The following TFPI variants were observed in gnomAD, a reference collection of about 807,000 sequenced individuals.
The protein encoded by TFPI is tissue factor pathway inhibitor.
A neutral mutation model predicts 34.6 loss-of-function variants in TFPI; 15 were observed. That is an observed-to-expected ratio of 0.43 (90% CI 0.29 to 0.67). The LOEUF (loss-of-function observed/expected upper bound fraction) is 0.67. TFPI is among the 30% of genes least tolerant of loss of function. The pLI is 0.15. For missense variants in TFPI, 301 were observed against 364.0 expected, an observed-to-expected ratio of 0.83 and a Z score of 1.41; for synonymous variants, 105 against 120.1, an observed-to-expected ratio of 0.87 and a Z score of 0.82.
At chr2:187,552,339 T>G (rs986162937) in intron 1 of TFPI, among the ~76,000 whole-genome samples, 1 of 152,198 alleles carries the variant, frequency 6.6e-6, no homozygotes, top group African/African-American at 2.4e-5. Context: ...TTTGCCATCC[T>G]GCCCACTTAC....
intron 2 of TFPI, among the ~76,000 whole-genome samples, chr2:187,502,551 G>C: frequency 6.6e-6 from 1 of 152,118 alleles, no homozygotes; most frequent in Middle Eastern, 3.2e-3. Flanking sequence ...AGGTACATTA[G>C]GGTTTTTACT....
In TFPI at chr2:187,484,178, T is replaced by G. The variant is rs1395069015; in HGVS notation, c.574A>C (p.Asn192His). 2.5e-6 allele frequency: 4 copies of G among 1,612,366 alleles called. No homozygotes were observed. The East Asian group carries it at 8.9e-5, about 36-fold the overall frequency. Residue 192 changes from asparagine to histidine, a missense_variant, in exon 6 of 8, where the codon AAT (asparagine) becomes CAT (histidine). By Grantham distance (68) the Asn-to-His change is moderately conservative. Coordinates refer to ENST00000233156, the MANE Select transcript of TFPI (RefSeq NM_006287.6). The stretch of plus-strand genomic sequence containing the variant: ...GGAGTCAGGGAGTTATTCACAGCAT[T>G]GAGCTGGGTTCCATAATTATCCACC... ...FQVDNYGTQL[N>H]AVNNSLTPQS...
At position 187,552,100 on chromosome 2, in the gene TFPI, C is replaced by G. The variant is rs900411727; in HGVS notation, c.-3+2100G>C. ...ATCCTAGTCTAAGTAATTTTCTTCA[C>G]TTTTCATATTGTCTGTTCCTTTTTA... On this transcript the variant is annotated intron_variant, in intron 1 of 7. Transcript: ENST00000233156. 5.9e-5 allele frequency among the ~76,000 whole-genome samples: 9 copies of G among 151,996 alleles called. No individual in the cohort carries two copies. The South Asian group carries it at 1.0e-3, about 18-fold the overall frequency.
intron 1 of TFPI, among the ~76,000 whole-genome samples, chr2:187,532,273 C>A (rs1469127559): frequency 6.6e-6 from 1 of 151,798 alleles, no homozygotes; most frequent in East Asian, 1.9e-4. Flanking sequence ...ATATTGATAA[C>A]TTTTGAGTTG....
chr2:187,499,580 T>A (rs1036623324), intron 2 of TFPI: 2 of 152,110 alleles, frequency 1.3e-5, no homozygotes, highest in African/African-American at 4.8e-5. Flanking sequence ...CCCTAAGTGG[T>A]GTGTCTGACT....
rs1223824887 is a variant in TFPI at position 187,465,130 on chromosome 2, G to C, written c.*1806C>G. On this transcript the variant is annotated 3_prime_UTR_variant, in exon 8 of 8. Transcript: ENST00000233156. The stretch of plus-strand genomic sequence containing the variant: ...GAAGGTTGTAGTTAAGTACCAACTA[G>C]TGTGAGTTCTGGGAGCATTTTGAAA... 6.6e-6 allele frequency: 1 copy of C among 152,190 alleles called. No individual in the cohort carries two copies. Among genetic ancestry groups the C allele is most frequent in the African/African-American group, 2.4e-5 (1 of 41,440 alleles). The allele number at this position is 152,190 out of a possible 1,614,324, so 9.4% of individuals were successfully genotyped here.
In TFPI at chr2:187,528,802, G is replaced by A. The variant is rs375467246; in HGVS notation, c.-2-25032C>T. ...CAGCAGTGTAACTATATTTGACCCT[G>A]AAGCAAATGCCTTTAATCACTGCTC... is the stretch of plus-strand genomic sequence containing the variant. On this transcript the variant is annotated intron_variant, in intron 1 of 7. Transcript: ENST00000233156. Among the ~76,000 whole-genome samples, 5 of 151,714 alleles carry A rather than the reference G, an allele frequency of 3.3e-5. No individual in the cohort carries two copies. In the East Asian group the frequency reaches 7.7e-4, roughly 24 times the overall value.
At chr2:187,522,677 A>C (rs1687450036) in intron 1 of TFPI, among the ~76,000 whole-genome samples, 1 of 148,644 alleles carries the variant, frequency 6.7e-6, no homozygotes, top group South Asian at 2.1e-4. Flanking sequence ...AGGTCAGGAG[A>C]TCAAGACCAT....
At chr2:187,511,663 G>C (rs6734507) in intron 1 of TFPI, among the ~76,000 whole-genome samples, 151,837 of 152,248 alleles carry the variant, frequency 1, 75,716 homozygotes, top group Middle Eastern at 1. Context: ...TGACGGGTCC[G>C]TTGTTTCAAA....
At chr2:187,489,576 A>G (rs1057074406) in intron 3 of TFPI, among the ~76,000 whole-genome samples, 3 of 151,610 alleles carry the variant, frequency 2.0e-5, no homozygotes, top group Non-Finnish European at 4.4e-5. Flanking sequence ...AAATGTATAC[A>G]TATAATGAGT....
intron 1 of TFPI, among the ~76,000 whole-genome samples, chr2:187,523,014 C>T (rs1687490103): frequency 6.6e-6 from 1 of 151,806 alleles, no homozygotes; most frequent in Admixed American, 6.6e-5. Flanking sequence ...TATTTATTTG[C>T]ATATGTACAA....
chr2:187,503,592 G>C, intron 2 of TFPI, 56 bp downstream of exon 2: 2 of 1,561,302 alleles, frequency 1.3e-6, no homozygotes, highest in Non-Finnish European at 1.7e-6. Context: ...AGATTTTTTA[G>C]ATTAAAATTG....
At chr2:187,521,317 C>T (rs1257492597) in intron 1 of TFPI, among the ~76,000 whole-genome samples, 1 of 152,008 alleles carries the variant, frequency 6.6e-6, no homozygotes, top group Non-Finnish European at 1.5e-5. Flanking sequence ...TATGTATATA[C>T]CACATTTCTT....
chr2:187,524,074 A>T (rs1249839455), intron 1 of TFPI, among the ~76,000 whole-genome samples: 1 of 152,114 alleles, frequency 6.6e-6, no homozygotes, highest in Non-Finnish European at 1.5e-5. Flanking sequence ...ATGCTGTAGC[A>T]TATATGATTG....
At chr2:187,540,314 G>A (rs998918160) in intron 1 of TFPI, among the ~76,000 whole-genome samples, 16 of 152,138 alleles carry the variant, frequency 1.1e-4, no homozygotes, top group South Asian at 2.1e-4. Context: ...AAAACATAGT[G>A]TGTCAATAAA....
chr2:187,489,383 G>GGTGTGT (rs3836091), intron 3 of TFPI, among the ~76,000 whole-genome samples: 2 of 149,618 alleles, frequency 1.3e-5, no homozygotes, highest in African/African-American at 2.4e-5. Context: ...TAAAAAAAGA[G>GGTGTGT]GTGTGTGTGT....
chr2:187,475,643 C>G (rs1692328974), intron 6 of TFPI, among the ~76,000 whole-genome samples: 1 of 151,996 alleles, frequency 6.6e-6, no homozygotes. Context: ...GAACCTGAAG[C>G]CAAGCGAAAT....
At chr2:187,472,447 C>G (rs1010905156) in intron 6 of TFPI, among the ~76,000 whole-genome samples, 2 of 152,156 alleles carry the variant, frequency 1.3e-5, no homozygotes, top group South Asian at 2.1e-4. Flanking sequence ...GTAGATGTTG[C>G]TGAATTTTCC....
chr2:187,470,154 A>G (rs1233639928), intron 6 of TFPI, among the ~76,000 whole-genome samples: 7 of 152,172 alleles, frequency 4.6e-5, no homozygotes, highest in Non-Finnish European at 8.8e-5. Context: ...TATATGACTT[A>G]TACATCAATT....
Sources: gnomAD v4.1 joint callset for allele counts (sites outside exome capture counted in the v4.1 genomes callset) on GRCh38, gnomAD v4.1.1 for gene constraint, MANE v1.5 for transcripts, NCBI Gene and HGNC (gene_info 2026-07-23, HGNC 2026-07-21) for gene names.